Variants in SNX13 observed in about 807,000 individuals in gnomAD.
SNX13 encodes the protein sorting nexin 13.
In SNX13, 45 loss-of-function variants were observed where a neutral mutation model predicts 133.6. That is an observed-to-expected ratio of 0.34 (90% CI 0.27 to 0.43). The LOEUF (loss-of-function observed/expected upper bound fraction) is 0.43. Among genes scored for constraint, SNX13 ranks in the 20% least tolerant of loss-of-function variants. The pLI, the probability that SNX13 is intolerant of heterozygous loss-of-function variation, is 1.00. For synonymous variants in SNX13, 414 were observed against 373.9 expected, an observed-to-expected ratio of 1.11 and a Z score of -1.24; for missense variants, 1,032 against 1,145.1, an observed-to-expected ratio of 0.90 and a Z score of 1.43.
At chr7:17,853,820 T>G (rs1338436643) in intron 9 of SNX13, among the ~76,000 whole-genome samples, 4 of 152,154 alleles carry the variant, frequency 2.6e-5, no homozygotes, top group African/African-American at 9.7e-5. Flanking sequence ...TGGGCACCTG[T>G]AATCCCAGCT....
chr7:17,820,903 T>G (rs1031647675), intron 18 of SNX13, among the ~76,000 whole-genome samples: 23 of 152,238 alleles, frequency 1.5e-4, no homozygotes, highest in African/African-American at 5.3e-4. Context: ...AATATTTAAT[T>G]TAAAAATAGG....
At chr7:17,832,263 A>G (rs1562722136) in intron 15 of SNX13, 1 of 984,478 alleles carries the variant, frequency 1.0e-6, no homozygotes, top group Non-Finnish European at 1.2e-6. Flanking sequence ...TTTGCTTCCA[A>G]TAGCTGTACT....
At chr7:17,877,806 A>T (rs1288648556) in intron 5 of SNX13, among the ~76,000 whole-genome samples, 2 of 152,016 alleles carry the variant, frequency 1.3e-5, no homozygotes, top group South Asian at 2.1e-4. Context: ...TAGGAAAAAT[A>T]GGAAAAACAG....
At chr7:17,846,091 C>G (rs774305791) in intron 11 of SNX13, among the ~76,000 whole-genome samples, 2 of 152,048 alleles carry the variant, frequency 1.3e-5, no homozygotes, top group Non-Finnish European at 2.9e-5. Flanking sequence ...CTATTTACTA[C>G]TAGGAAAACA....
intron 20 of SNX13, among the ~76,000 whole-genome samples, chr7:17,811,159 G>A (rs574270809): frequency 2.0e-5 from 3 of 152,024 alleles, no homozygotes; most frequent in Non-Finnish European, 2.9e-5. Context: ...CTGGACAATC[G>A]GGCAAGAGAA....
intron 1 of SNX13, among the ~76,000 whole-genome samples, chr7:17,939,947 G>A (rs1802612521): frequency 6.6e-6 from 1 of 152,098 alleles, no homozygotes; most frequent in Admixed American, 6.5e-5. Context: ...CAGTAACGTG[G>A]AAAGGCCAAC....
intron 5 of SNX13, among the ~76,000 whole-genome samples, chr7:17,878,795 C>T (rs1399339572): frequency 1.3e-5 from 2 of 152,072 alleles, no homozygotes; most frequent in Non-Finnish European, 2.9e-5. Context: ...TCTATTTCAC[C>T]CTCTCCCTTC....
In SNX13 at chr7:17,897,433, A is replaced by G; in HGVS notation, c.26T>C (p.Ile9Thr). 6.3e-7 allele frequency: 1 copy of G among 1,585,748 alleles called. No homozygotes were observed. Among genetic ancestry groups the G allele is most frequent in the South Asian group, 1.2e-5 (1 of 85,584 alleles). MLTEASLS[I>T]WGWGSLGIVL... is the part of the protein sequence containing the mutation. Reference sequence around the variant, plus strand: ...AATGCCAAGGCTTCCCCATCCCCATATGGATAGACTGGCCTGAAATACAGA... The same window carrying G: ...AATGCCAAGGCTTCCCCATCCCCATGTGGATAGACTGGCCTGAAATACAGA... Residue 9 changes from isoleucine (I) to threonine (T), a missense_variant, in exon 2 of 26, where the codon ATA (isoleucine) becomes ACA (threonine). Ile to Thr is a moderately conservative substitution (Grantham distance 89, BLOSUM62 -1). Transcript: ENST00000428135.
At position 17,792,413 on chromosome 7, in the gene SNX13, CATACT is replaced by C. The variant is rs1783637366; in HGVS notation, c.*1627_*1631del. On this transcript the variant is annotated 3_prime_UTR_variant, in exon 26 of 26. Coordinates refer to ENST00000428135, the MANE Select transcript of SNX13 (RefSeq NM_015132.5). ...ACATGCAACATATGCTGAATATATG[CATACT>C]ATAAGTATGCACAACAGCATTATTA... 1 of 152,310 alleles carries C rather than the reference CATACT, an allele frequency of 6.6e-6. No homozygotes were observed. The highest frequency in any genetic ancestry group is 2.4e-5 in the African/African-American group (1 of 41,400). 9.4% of individuals were successfully genotyped at this position (152,310 alleles called of 1,614,324 possible).
At chr7:17,861,365 C>T (rs983182707) in intron 9 of SNX13, among the ~76,000 whole-genome samples, 1 of 151,736 alleles carries the variant, frequency 6.6e-6, no homozygotes, top group African/African-American at 2.4e-5. Context: ...CACACACACA[C>T]ACACACACAC....
chr7:17,833,907 T>G, intron 15 of SNX13, 145 bp downstream of exon 15: 1 of 507,412 alleles, frequency 2.0e-6, no homozygotes, highest in Non-Finnish European at 3.1e-6. Context: ...TCACTAAACT[T>G]TGTCATTCAT....
intron 15 of SNX13, among the ~76,000 whole-genome samples, chr7:17,833,034 T>C (rs1454289135): frequency 6.6e-6 from 1 of 151,580 alleles, no homozygotes; most frequent in East Asian, 1.9e-4. Flanking sequence ...ATAAAACCTA[T>C]TCATAAGTAA....
At chr7:17,812,777 A>G (rs541523705) in intron 20 of SNX13, among the ~76,000 whole-genome samples, 1 of 152,350 alleles carries the variant, frequency 6.6e-6, no homozygotes, top group Non-Finnish European at 1.5e-5. Context: ...TGGATAAAGG[A>G]AATGTGGCAC....
At chr7:17,927,245 G>A (rs1298045996) in intron 1 of SNX13, among the ~76,000 whole-genome samples, 1 of 148,260 alleles carries the variant, frequency 6.7e-6, no homozygotes, top group Non-Finnish European at 1.5e-5. Flanking sequence ...ATATATATAT[G>A]TATATATATA....
At chr7:17,935,535 T>C (rs1034788927) in intron 1 of SNX13, among the ~76,000 whole-genome samples, 9 of 152,244 alleles carry the variant, frequency 5.9e-5, no homozygotes, top group Non-Finnish European at 1.0e-4. Context: ...GTTATTCAGC[T>C]GCACTTAATC....
At chr7:17,901,717 C>T (rs1797857956) in intron 1 of SNX13, among the ~76,000 whole-genome samples, 1 of 152,172 alleles carries the variant, frequency 6.6e-6, no homozygotes, top group South Asian at 2.1e-4. Flanking sequence ...TCAATATTGT[C>T]CTTCCTACCA....
chr7:17,926,929 G>A (rs10265373), intron 1 of SNX13, among the ~76,000 whole-genome samples: 84,741 of 151,868 alleles, frequency 0.56, 24,101 homozygotes, highest in Non-Finnish European at 0.6. Context: ...GAAAAACAGG[G>A]TATGAACAGC....
intron 20 of SNX13, among the ~76,000 whole-genome samples, chr7:17,808,451 T>C (rs914718984): frequency 6.6e-6 from 1 of 152,038 alleles, no homozygotes; most frequent in Non-Finnish European, 1.5e-5. Context: ...AATATGAGAC[T>C]ATGAGAAAAG....
At chr7:17,857,654 G>A (rs185112538) in intron 9 of SNX13, among the ~76,000 whole-genome samples, 2 of 152,118 alleles carry the variant, frequency 1.3e-5, no homozygotes, top group Admixed American at 1.3e-4. Flanking sequence ...CATGCTGGCG[G>A]GCATCTGTAA....
Sources: gnomAD v4.1 joint callset for allele counts (sites outside exome capture counted in the v4.1 genomes callset) on GRCh38, gnomAD v4.1.1 for gene constraint, MANE v1.5 for transcripts, NCBI Gene and HGNC (gene_info 2026-07-23, HGNC 2026-07-21) for gene names.